BIRC6: variants seen among roughly 807,000 people sequenced by gnomAD.
BIRC6 encodes baculoviral IAP repeat containing 6.
BIRC6 carries 98 observed loss-of-function variants against 503.3 expected under a neutral mutation model. That is an observed-to-expected ratio of 0.19 (90% CI 0.17 to 0.23). The LOEUF (loss-of-function observed/expected upper bound fraction) is 0.23. BIRC6 is among the 10% of genes least tolerant of loss of function. BIRC6 has a pLI of 1.00. For synonymous variants in BIRC6, 2,240 were observed against 2,078.7 expected (o/e 1.08, Z -2.11); for missense variants, 5,360 against 5,806.0 (o/e 0.92, Z 2.50).
chr2:32,419,970 GT>G (rs1400797083), intron 10 of BIRC6, among the ~76,000 whole-genome samples: 1 of 152,076 alleles, frequency 6.6e-6, no homozygotes, highest in African/African-American at 2.4e-5. Flanking sequence ...TCATTTGGTT[GT>G]TCTTTTTAGT....
At chr2:32,561,737 ATATT>A (rs566569006) in intron 65 of BIRC6, among the ~76,000 whole-genome samples, 5 of 140,760 alleles carry the variant, frequency 3.6e-5, no homozygotes, top group Non-Finnish European at 6.1e-5. Context: ...ATATATATAT[ATATT>A]TATTTATTTA....
intron 58 of BIRC6, 71 bp downstream of exon 58, chr2:32,525,090 G>A (rs1331073459): frequency 6.3e-6 from 8 of 1,276,926 alleles, no homozygotes; most frequent in Non-Finnish European, 6.2e-6. Flanking sequence ...TTAGTTACAG[G>A]AAATTTATGT....
At chr2:32,512,449 A>G (rs1235086632) in intron 53 of BIRC6, among the ~76,000 whole-genome samples, 1 of 152,196 alleles carries the variant, frequency 6.6e-6, no homozygotes, top group African/African-American at 2.4e-5. Flanking sequence ...TTAGTTCTAA[A>G]TGACAGATAC....
At position 32,471,123 on chromosome 2, in the gene BIRC6, T is replaced by A. The variant is rs1238630005; in HGVS notation, c.6591T>A (p.Asn2197Lys). ...DEAAAAKKPL[N>K]GNQWSFINNN... Reference sequence around the variant, plus strand: ...CAGCAGCTGCAAAGAAACCTTTGAATGGTAAAGACAGGGAGAGGTTTCTGA... The same window carrying A: ...CAGCAGCTGCAAAGAAACCTTTGAAAGGTAAAGACAGGGAGAGGTTTCTGA... Residue 2197 changes from asparagine to lysine, a missense_variant and splice_region_variant, in exon 32 of 74, where the codon AAT (asparagine) becomes AAA (lysine). Asn to Lys is a moderately conservative substitution (Grantham distance 94). This residue lies in a region of BIRC6 where 2,299 missense variants were observed against 2,267.2 expected (regional missense o/e 1.01). Transcript: ENST00000421745. 1 of 1,563,660 alleles carries A rather than the reference T, an allele frequency of 6.4e-7. No homozygotes were observed. The highest frequency in any genetic ancestry group is 2.3e-5 in the East Asian group (1 of 42,730).
Position 32,594,279 on chromosome 2 carries a change from A to G in BIRC6, c.13501+219A>G, listed in dbSNP as rs183637381. 1.5e-5 allele frequency: 6 copies of G among 407,738 alleles called. No individual in the cohort carries two copies. The East Asian group carries it at 2.4e-4, about 16-fold the overall frequency. 25.3% of individuals were successfully genotyped at this position (407,738 alleles called of 1,614,324 possible). ...TCTACTATATATGATTGCTAAATTT[A>G]GTAGGCTGAGAACATACATTATAAA... On this transcript the variant is annotated intron_variant, in intron 67 of 73. Transcript: ENST00000421745.
In BIRC6 at chr2:32,599,642, A is replaced by C. The variant is rs1380337411; in HGVS notation, c.13831-97A>C. On this transcript the variant is annotated intron_variant, in intron 69 of 73. Transcript: ENST00000421745. Reference sequence around the variant, plus strand: ...GACAGAGTGGGACTCCATCTCCAAAAACGAAGGTTGTTCTTATTTCATGTT... The same window carrying C: ...GACAGAGTGGGACTCCATCTCCAAACACGAAGGTTGTTCTTATTTCATGTT... 5 of 1,326,428 alleles carry C rather than the reference A, an allele frequency of 3.8e-6. No homozygotes were observed. In the East Asian group the frequency reaches 1.2e-4, roughly 31 times the overall value. 82.2% of individuals were successfully genotyped at this position (1,326,428 alleles called of 1,614,324 possible). A position where few individuals can be genotyped will look rare whatever the true frequency, so the allele number is the denominator to read the frequency against.
intron 63 of BIRC6, among the ~76,000 whole-genome samples, chr2:32,547,157 C>T (rs1572937178): frequency 6.6e-6 from 1 of 152,304 alleles, no homozygotes; most frequent in Admixed American, 6.5e-5. Context: ...TCAGGAATAG[C>T]TGAGATATCC....
At chr2:32,388,691 G>T (rs1573857511) in intron 3 of BIRC6, 59 bp from the exon 4 acceptor site, 1 of 1,241,166 alleles carries the variant, frequency 8.1e-7, no homozygotes, top group Non-Finnish European at 1.1e-6. Context: ...GTTAAGTTAT[G>T]ATTTTGGTTA....
At chr2:32,424,583 C>G (rs942821973) in intron 10 of BIRC6, among the ~76,000 whole-genome samples, 2 of 151,406 alleles carry the variant, frequency 1.3e-5, no homozygotes, top group African/African-American at 4.9e-5. Context: ...GACGCGATCT[C>G]GGCTCACTGC....
intron 61 of BIRC6, among the ~76,000 whole-genome samples, chr2:32,539,272 C>T (rs1032776267): frequency 6.6e-6 from 1 of 152,164 alleles, no homozygotes; most frequent in African/African-American, 2.4e-5. Flanking sequence ...TAGATTATAA[C>T]ATTTATCTCT....
Position 32,515,047 on chromosome 2 carries a change from T to G in BIRC6, c.10626T>G (p.Val3542=). 1 of 1,614,014 alleles carries G rather than the reference T, an allele frequency of 6.2e-7. No homozygotes were observed. The change falls in exon 55 of 74, where the codon GTT becomes GTG. Residue 3542 remains valine, a synonymous_variant. Coordinates refer to ENST00000421745, the MANE Select transcript of BIRC6 (RefSeq NM_016252.4). ...GCAATATGGTTTTGAAGAAAGCTGTTGACAGTCTACTTTGCTCAATGTGTC... is the reference window on the plus strand; with the variant it reads ...GCAATATGGTTTTGAAGAAAGCTGTGGACAGTCTACTTTGCTCAATGTGTC... The part of the protein sequence containing the change: ...LPCNMVLKKA[V]DSLLCSMCHV...
chr2:32,524,729 G>A, intron 57 of BIRC6, 159 bp from the exon 58 acceptor site: 1 of 371,944 alleles, frequency 2.7e-6, no homozygotes, highest in South Asian at 6.3e-5. Flanking sequence ...TAAAGATTGG[G>A]TATCAGGCCT....
At position 32,414,975 on chromosome 2, in the gene BIRC6, A is replaced by G; in HGVS notation, c.1684A>G (p.Ile562Val). 6.2e-7 allele frequency: 1 copy of G among 1,613,954 alleles called. No individual in the cohort carries two copies. The highest frequency in any genetic ancestry group is 8.5e-7 in the Non-Finnish European group (1 of 1,179,868). Reference protein sequence around the residue: ...TKEKHQEQHNIPFPCLLAGGL... With the variant: ...TKEKHQEQHNVPFPCLLAGGL... ...GGAAAAGCACCAGGAGCAACACAACATTCCTTTTCCATGTTTATTAGCTGG... is the reference window on the plus strand; with the variant it reads ...GGAAAAGCACCAGGAGCAACACAACGTTCCTTTTCCATGTTTATTAGCTGG... The change falls in exon 10 of 74, where the codon ATT becomes GTT. Residue 562 changes from isoleucine to valine, a missense_variant. Physicochemically the swap from Ile to Val is conservative, Grantham distance 29 (BLOSUM62 3). Transcript: ENST00000421745.
chr2:32,522,702 A>C (rs1488517056), intron 57 of BIRC6: 1 of 152,184 alleles, frequency 6.6e-6, no homozygotes. Flanking sequence ...CTAGATGTCT[A>C]AGAGCACAAA....
chr2:32,395,370 G>A lies in BIRC6; in HGVS notation c.952-141G>A, dbSNP rs77956033. On this transcript the variant is annotated intron_variant, in intron 5 of 73. Transcript: ENST00000421745. Reference sequence around the variant, plus strand: ...TATTTGGAGGTTTCAGTGTATTGTTGGACCTAATATTATAGGCTAATTTTC... The same window carrying A: ...TATTTGGAGGTTTCAGTGTATTGTTAGACCTAATATTATAGGCTAATTTTC... 2.3e-3 allele frequency: 1,353 copies of A among 588,264 alleles called. 18 individuals carry two copies. In the African/African-American group the frequency reaches 0.023, roughly 10 times the overall value. 36.4% of individuals were successfully genotyped at this position (588,264 alleles called of 1,614,324 possible).
Position 32,493,670 on chromosome 2 carries a change from A to G in BIRC6, c.8468+3A>G, listed in dbSNP as rs1339207996. 1 of 1,594,062 alleles carries G rather than the reference A, an allele frequency of 6.3e-7. No individual in the cohort carries two copies. Among genetic ancestry groups the G allele is most frequent in the Non-Finnish European group, 8.6e-7 (1 of 1,166,912 alleles). On this transcript the variant is annotated splice_donor_region_variant and intron_variant, in intron 45 of 73. Transcript: ENST00000421745. The stretch of plus-strand genomic sequence containing the variant: ...ATTCATATACTTTCAACTGAAAGGT[A>G]AATTTTTGTGTACTAATTTGTTCCT...
chr2:32,618,017 C>A lies in BIRC6; in HGVS notation c.*113C>A. 9.4e-7 allele frequency: 1 copy of A among 1,066,612 alleles called. No homozygotes were observed. The highest frequency in any genetic ancestry group is 1.3e-6 in the Non-Finnish European group (1 of 751,788). 66.1% of individuals were successfully genotyped at this position (1,066,612 alleles called of 1,614,324 possible). A position where few individuals can be genotyped will look rare whatever the true frequency, so the allele number is the denominator to read the frequency against. On this transcript the variant is annotated 3_prime_UTR_variant, in exon 74 of 74. Coordinates refer to ENST00000421745, the MANE Select transcript of BIRC6 (RefSeq NM_016252.4). ...AATAGGTAATGAAACTGAAACTATACTATGCCCTTAAGGAGATCCAGTTTA... is the reference window on the plus strand; with the variant it reads ...AATAGGTAATGAAACTGAAACTATAATATGCCCTTAAGGAGATCCAGTTTA...
intron 4 of BIRC6, among the ~76,000 whole-genome samples, chr2:32,391,088 G>A (rs1375122356): frequency 3.9e-5 from 6 of 152,194 alleles, no homozygotes; most frequent in African/African-American, 1.4e-4. Context: ...TGCCTATTTT[G>A]AGATTATAAA....
chr2:32,531,593 A>G, intron 61 of BIRC6, 42 bp downstream of exon 61: 1 of 1,477,022 alleles, frequency 6.8e-7, no homozygotes, highest in Non-Finnish European at 9.2e-7. Flanking sequence ...TTCCATAGCT[A>G]AGCCCTTCAT....
Sources: gnomAD v4.1 joint callset for allele counts (sites outside exome capture counted in the v4.1 genomes callset) on GRCh38, gnomAD v4.1.1 for gene constraint, gnomAD v4.1.1 regional missense constraint, MANE v1.5 for transcripts, NCBI Gene and HGNC (gene_info 2026-07-23, HGNC 2026-07-21) for gene names.